Variants in SYT14 observed in about 807,000 individuals in gnomAD.
SYT14 encodes the protein synaptotagmin 14, also known as synaptotagmin-14.
A neutral mutation model predicts 74.2 loss-of-function variants in SYT14; 32 were observed. The ratio of observed to expected loss-of-function variants is 0.43; its 90% CI spans 0.33 to 0.58. The LOEUF is 0.58. Ranked by LOEUF, SYT14 falls within the 20% of genes least tolerant of loss-of-function variation. The probability of loss-of-function intolerance (pLI) is 0.05; values close to 1 mark genes in which losing one functional copy is unlikely to be tolerated. For synonymous variants in SYT14, 298 were observed against 337.7 expected (o/e 0.88, Z 1.29); for missense variants, 791 against 981.8 (o/e 0.81, Z 2.60).
At chr1:209,973,673 G>C (rs1247884041) in intron 2 of SYT14, among the ~76,000 whole-genome samples, 1 of 152,122 alleles carries the variant, frequency 6.6e-6, no homozygotes, top group African/African-American at 2.4e-5. Context: ...ATAAACATAC[G>C]TGTGCATGTG....
intron 2 of SYT14, among the ~76,000 whole-genome samples, chr1:209,993,661 A>T (rs988207668): frequency 2.0e-5 from 3 of 152,150 alleles, no homozygotes; most frequent in African/African-American, 7.2e-5. Flanking sequence ...GGGGCCTGGC[A>T]GCCCGGAACA....
chr1:210,094,785 C>T (rs1197202194), intron 6 of SYT14, among the ~76,000 whole-genome samples, 192 bp downstream of exon 5: 1 of 152,108 alleles, frequency 6.6e-6, no homozygotes, highest in Non-Finnish European at 1.5e-5. Context: ...TCAGCTGCCC[C>T]CACTCCCCAA....
chr1:210,022,262 G>A (rs1465470775), intron 5 of SYT14, among the ~76,000 whole-genome samples: 1 of 152,128 alleles, frequency 6.6e-6, no homozygotes, highest in African/African-American at 2.4e-5. Flanking sequence ...GCCAACTAAA[G>A]ATTAGTGCAC....
chr1:210,108,628 T>TA (rs34608102), intron 7 of SYT14, among the ~76,000 whole-genome samples: 75 of 144,844 alleles, frequency 5.2e-4, no homozygotes, highest in Middle Eastern at 3.6e-3. Flanking sequence ...ATGATTTGAT[T>TA]AAAAAAAAAA....
intron 5 of SYT14, among the ~76,000 whole-genome samples, chr1:210,083,809 G>A (rs1463454282): frequency 7.7e-6 from 1 of 130,614 alleles, no homozygotes; most frequent in Non-Finnish European, 1.8e-5. Context: ...GGCACAAGCT[G>A]TCAGTCCACC....
intron 2 of SYT14, among the ~76,000 whole-genome samples, chr1:210,010,194 A>C (rs1426234877): frequency 6.6e-6 from 1 of 152,144 alleles, no homozygotes; most frequent in African/African-American, 2.4e-5. Context: ...AAATACAAAA[A>C]TTTTTGGATG....
chr1:210,034,736 T>G (rs897698456), intron 5 of SYT14, among the ~76,000 whole-genome samples: 6 of 151,862 alleles, frequency 4.0e-5, no homozygotes, highest in Non-Finnish European at 7.4e-5. Context: ...TATATGACTT[T>G]ATGCTTCTGA....
intron 7 of SYT14, among the ~76,000 whole-genome samples, chr1:210,106,056 T>A (rs934153218): frequency 2.0e-5 from 3 of 152,226 alleles, no homozygotes; most frequent in Non-Finnish European, 4.4e-5. Flanking sequence ...AAGAATGGCC[T>A]AACACAGCAG....
chr1:210,065,541 C>CT lies in SYT14; in HGVS notation c.1313-28771dup, dbSNP rs199860631. Among the ~76,000 whole-genome samples the CT allele has an allele frequency of 1.1e-3, 165 of 146,928 alleles. 5 individuals carry two copies. The East Asian group carries it at 0.021, about 19-fold the overall frequency. ...ATAAATTACCCAGTCTCAGGTATGT[C>CT]TTTTTTTTTTAAGTTTTATTTAAAT... is the stretch of plus-strand genomic sequence containing the variant. On this transcript the variant is annotated intron_variant, in intron 5 of 9. Transcript: ENST00000637265.
intron 7 of SYT14, among the ~76,000 whole-genome samples, chr1:210,111,736 C>T (rs920200678): frequency 6.6e-6 from 1 of 150,988 alleles, no homozygotes; most frequent in African/African-American, 2.5e-5. Context: ...ACAGAAGACA[C>T]GAAGTCCGAA....
chr1:210,081,262 A>G (rs1303795566), intron 5 of SYT14, among the ~76,000 whole-genome samples: 1 of 152,206 alleles, frequency 6.6e-6, no homozygotes, highest in African/African-American at 2.4e-5. Flanking sequence ...GAAGAACTAT[A>G]ATACTATATG....
intron 7 of SYT14, among the ~76,000 whole-genome samples, chr1:210,109,757 C>A (rs922144298): frequency 1.3e-5 from 2 of 151,988 alleles, no homozygotes; most frequent in African/African-American, 4.8e-5. Flanking sequence ...GCCCAGCATT[C>A]CCATTGCTGA....
chr1:209,962,999 C>A (rs545783384), intron 2 of SYT14, among the ~76,000 whole-genome samples: 6 of 152,190 alleles, frequency 3.9e-5, no homozygotes, highest in African/African-American at 1.4e-4. Context: ...AAATTTAAAG[C>A]CTGTTTGTTT....
At chr1:210,022,347 T>C (rs1442077033) in intron 5 of SYT14, among the ~76,000 whole-genome samples, 1 of 152,228 alleles carries the variant, frequency 6.6e-6, no homozygotes, top group Non-Finnish European at 1.5e-5. Context: ...TATATGGTCA[T>C]TATGAGATTC....
intron 7 of SYT14, among the ~76,000 whole-genome samples, chr1:210,139,265 C>CTTTTTTTTTTTTTT (rs960923188): frequency 8.3e-5 from 8 of 95,854 alleles, no homozygotes; most frequent in African/African-American, 1.6e-4. Flanking sequence ...TTTCTTTTTT[C>CTTTTTTTTTTTTTT]TTTTTTTTTT....
intron 5 of SYT14, among the ~76,000 whole-genome samples, chr1:210,027,469 G>C (rs562852826): frequency 1.3e-5 from 2 of 152,006 alleles, no homozygotes; most frequent in South Asian, 4.2e-4. Context: ...TCATTAAGTG[G>C]ACATGGATTA....
chr1:209,984,888 C>G (rs1457432522), intron 2 of SYT14, among the ~76,000 whole-genome samples: 6 of 152,152 alleles, frequency 3.9e-5, no homozygotes, highest in Non-Finnish European at 8.8e-5. Flanking sequence ...GTGCCACACA[C>G]TTAAACAACT....
At chr1:210,025,902 C>G (rs1036586184) in intron 5 of SYT14, among the ~76,000 whole-genome samples, 1 of 152,166 alleles carries the variant, frequency 6.6e-6, no homozygotes, top group African/African-American at 2.4e-5. Flanking sequence ...ATTTGGCTTT[C>G]ATTAGGTCAT....
At chr1:209,948,451 T>C (rs943213950) in intron 1 of SYT14, among the ~76,000 whole-genome samples, 3 of 152,210 alleles carry the variant, frequency 2.0e-5, no homozygotes, top group African/African-American at 7.2e-5. Flanking sequence ...CCTGCATGGG[T>C]TTGCCTGAGG....
Sources: gnomAD v4.1 joint callset for allele counts (sites outside exome capture counted in the v4.1 genomes callset) on GRCh38, gnomAD v4.1.1 for gene constraint, MANE v1.5 for transcripts, NCBI Gene and HGNC (gene_info 2026-07-23, HGNC 2026-07-21) for gene names.